Variants in SPATA6 observed in about 807,000 individuals in gnomAD.
SPATA6 encodes spermatogenesis-associated protein 6.
A neutral mutation model predicts 65.3 loss-of-function variants in SPATA6; 56 were observed. The ratio of observed to expected loss-of-function variants is 0.86; its 90% CI spans 0.69 to 1.07. SPATA6 has a LOEUF of 1.07. SPATA6 is among the 50% of genes least tolerant of loss of function. The pLI is 0.00. For missense variants in SPATA6, 590 were observed against 594.8 expected (o/e 0.99, Z 0.08); for synonymous variants, 199 against 213.2 (o/e 0.93, Z 0.58).
intron 9 of SPATA6, among the ~76,000 whole-genome samples, chr1:48,375,007 A>C (rs907694280): frequency 1.6e-4 from 24 of 152,238 alleles, no homozygotes. Flanking sequence ...ACTTCTGACC[A>C]GATGGCAGCT....
intron 11 of SPATA6, among the ~76,000 whole-genome samples, chr1:48,334,212 C>G (rs1311171010): frequency 1.3e-5 from 2 of 152,018 alleles, no homozygotes; most frequent in Non-Finnish European, 2.9e-5. Flanking sequence ...CAAAGAAGAG[C>G]TGGTACCATT....
the SPATA6 span, among the ~76,000 whole-genome samples, chr1:48,290,258 A>G: frequency 6.6e-6 from 1 of 152,202 alleles, no homozygotes; most frequent in Non-Finnish European, 1.5e-5. Context: ...TAAGCCTCAT[A>G]AGTGAAGGAG....
intron 10 of SPATA6, among the ~76,000 whole-genome samples, chr1:48,359,176 G>GT (rs1029416611): frequency 4.6e-5 from 7 of 152,154 alleles, no homozygotes; most frequent in African/African-American, 1.4e-4. Context: ...GGGGTAGGTT[G>GT]TTTGAGAAAA....
chr1:48,471,907 A>T, intron 1 of SPATA6, 51 bp downstream of exon 1: 1 of 1,598,414 alleles, frequency 6.3e-7, no homozygotes, highest in Non-Finnish European at 8.5e-7. Flanking sequence ...GAGGTGACTG[A>T]GGGAGTCCCT....
At chr1:48,281,837 A>G in the SPATA6 span, among the ~76,000 whole-genome samples, 3 of 152,194 alleles carry the variant, frequency 2.0e-5, no homozygotes, top group Admixed American at 1.3e-4. Flanking sequence ...AAAACTACTT[A>G]AAGTTCATAA....
intron 11 of SPATA6, among the ~76,000 whole-genome samples, chr1:48,314,023 G>C (rs1008966195): frequency 1.3e-5 from 2 of 152,162 alleles, no homozygotes; most frequent in Admixed American, 6.5e-5. Flanking sequence ...CAATACAGGA[G>C]CATCAAGATT....
rs1647039720 is a variant in SPATA6, at chr1:48,366,959, T to C, written c.910-7189A>G. The stretch of plus-strand genomic sequence containing the variant: ...GTGCTATAAATTTCCCTCTACACAC[T>C]GCTTTGAATATGTCCCAGAGATTCT... On this transcript the variant is annotated intron_variant, in intron 9 of 12. Transcript: ENST00000371847. 3.9e-5 allele frequency among the ~76,000 whole-genome samples: 6 copies of C among 152,362 alleles called. No individual in the cohort carries two copies. The South Asian group carries it at 8.3e-4, about 21-fold the overall frequency.
chr1:48,354,224 TACAC>T (rs1646593091), intron 11 of SPATA6, among the ~76,000 whole-genome samples: 1 of 151,818 alleles, frequency 6.6e-6, no homozygotes, highest in African/African-American at 2.4e-5. Flanking sequence ...TGCACACACA[TACAC>T]ACACACAATC....
intron 3 of SPATA6, among the ~76,000 whole-genome samples, chr1:48,434,567 A>AT (rs1164977943): frequency 8.6e-5 from 13 of 150,848 alleles, no homozygotes; most frequent in African/African-American, 3.1e-4. Context: ...GGCCTCTCTG[A>AT]TTATGACAAA....
chr1:48,429,091 C>CT (rs1406379743), intron 3 of SPATA6, among the ~76,000 whole-genome samples: 1 of 151,238 alleles, frequency 6.6e-6, no homozygotes, highest in Non-Finnish European at 1.5e-5. Context: ...CAGATAAGTA[C>CT]TTTTTTTAGG....
In SPATA6 at chr1:48,305,774, AT is replaced by A; in HGVS notation, c.1286+12del. On this transcript the variant is annotated intron_variant, in intron 12 of 12. Coordinates refer to ENST00000371847, the MANE Select transcript of SPATA6 (RefSeq NM_019073.4). ...AGAACTATGAGAAGGATATACATAT[AT>A]TTCATTCATACCTATACTCGGGGTC... The A allele has an allele frequency of 6.3e-7, 1 of 1,588,210 alleles. No homozygotes were observed. The highest frequency in any genetic ancestry group is 8.6e-7 in the Non-Finnish European group (1 of 1,162,380).
chr1:48,367,489 G>A (rs962370757), intron 9 of SPATA6, among the ~76,000 whole-genome samples: 2 of 152,152 alleles, frequency 1.3e-5, no homozygotes, highest in African/African-American at 4.8e-5. Context: ...CCTGTATTTG[G>A]TGCATATATA....
intron 1 of SPATA6, 27 bp downstream of exon 1, chr1:48,471,931 G>A (rs1243071126): frequency 4.3e-6 from 7 of 1,609,632 alleles, no homozygotes; most frequent in Admixed American, 1.7e-5. Flanking sequence ...CCAATGCCCG[G>A]GGGTGGGAGG....
intron 3 of SPATA6, among the ~76,000 whole-genome samples, chr1:48,438,513 T>G (rs975486000): frequency 6.6e-6 from 1 of 152,176 alleles, no homozygotes; most frequent in Non-Finnish European, 1.5e-5. Context: ...CCGCTTTTCC[T>G]GTACTTCCAG....
At chr1:48,372,833 T>A (rs923237863) in intron 9 of SPATA6, among the ~76,000 whole-genome samples, 1 of 152,222 alleles carries the variant, frequency 6.6e-6, no homozygotes, top group African/African-American at 2.4e-5. Context: ...GCTTCCACCC[T>A]CTGAAGCCAG....
the SPATA6 span, among the ~76,000 whole-genome samples, chr1:48,273,676 C>A: frequency 3.3e-5 from 5 of 152,186 alleles, no homozygotes; most frequent in East Asian, 9.7e-4. Flanking sequence ...TGAACTCATC[C>A]TTTTTTTATG....
intron 11 of SPATA6, among the ~76,000 whole-genome samples, chr1:48,314,688 G>A (rs1645347058): frequency 6.6e-6 from 1 of 152,064 alleles, no homozygotes; most frequent in Non-Finnish European, 1.5e-5. Flanking sequence ...AAATAACTAA[G>A]ATCAGAGCAG....
intron 11 of SPATA6, among the ~76,000 whole-genome samples, chr1:48,335,672 T>C (rs1646040314): frequency 6.6e-6 from 1 of 152,152 alleles, no homozygotes; most frequent in African/African-American, 2.4e-5. Flanking sequence ...CCTGTAACTG[T>C]AAAAACTCTG....
intron 3 of SPATA6, among the ~76,000 whole-genome samples, chr1:48,450,612 G>A (rs893620059): frequency 6.6e-6 from 1 of 152,046 alleles, no homozygotes; most frequent in African/African-American, 2.4e-5. Context: ...TGCAACAGTG[G>A]AAAATATAAC....
Sources: allele counts gnomAD v4.1 joint callset (sites outside exome capture counted in the v4.1 genomes callset), GRCh38; gene constraint gnomAD v4.1.1; transcripts MANE v1.5; gene names NCBI Gene and HGNC (gene_info 2026-07-23, HGNC 2026-07-21).